C12orf42: variants seen among roughly 807,000 people sequenced by gnomAD.
The protein encoded by C12orf42 is chromosome 12 open reading frame 42, also known as uncharacterized protein C12orf42.
C12orf42 carries 25 observed loss-of-function variants against 21.6 expected under a neutral mutation model. The observed-to-expected ratio is 1.16, with a 90% CI of 0.84 to 1.62. The LOEUF (loss-of-function observed/expected upper bound fraction) is 1.62. C12orf42 is among the 40% of genes most tolerant of loss of function. The pLI is 0.00. For synonymous variants in C12orf42, 174 were observed against 175.0 expected (o/e 0.99, Z 0.05); for missense variants, 483 against 459.3 (o/e 1.05, Z -0.47).
the C12orf42 span, among the ~76,000 whole-genome samples, chr12:103,050,607 C>A: frequency 6.6e-6 from 1 of 151,914 alleles, no homozygotes; most frequent in Non-Finnish European, 1.5e-5. Context: ...AGCAGAGTCA[C>A]CTAATGTCAT....
chr12:103,283,314 C>T (rs898867954), intron 4 of C12orf42, among the ~76,000 whole-genome samples: 2 of 152,162 alleles, frequency 1.3e-5, no homozygotes, highest in Admixed American at 6.5e-5. Flanking sequence ...TCCAAGTTGC[C>T]ATTATCACTT....
At chr12:103,457,457 G>A (rs1341749396) in intron 2 of C12orf42, among the ~76,000 whole-genome samples, 1 of 152,086 alleles carries the variant, frequency 6.6e-6, no homozygotes, top group Admixed American at 6.6e-5. Context: ...AGCTAATAAT[G>A]CCCTGTGTTT....
intron 2 of C12orf42, among the ~76,000 whole-genome samples, chr12:103,414,317 C>T (rs1437677406): frequency 2.7e-5 from 4 of 149,274 alleles, no homozygotes; most frequent in African/African-American, 9.7e-5. Flanking sequence ...CCTTAGCCCA[C>T]TTTTTTATGG....
At chr12:103,246,546 T>C (rs1270842550) in intron 10 of C12orf42, among the ~76,000 whole-genome samples, 1 of 152,032 alleles carries the variant, frequency 6.6e-6, no homozygotes, top group Non-Finnish European at 1.5e-5. Flanking sequence ...AAAAAAGATG[T>C]CACTGTTTGC....
chr12:103,066,011 C>T, the C12orf42 span, among the ~76,000 whole-genome samples: 25 of 152,140 alleles, frequency 1.6e-4, no homozygotes, highest in Admixed American at 1.6e-3. Flanking sequence ...AGGTGTCAGT[C>T]GCAGATAGGG....
intron 4 of C12orf42, among the ~76,000 whole-genome samples, chr12:103,292,374 A>T (rs2036880149): frequency 1.3e-5 from 2 of 152,150 alleles, no homozygotes; most frequent in Non-Finnish European, 2.9e-5. Flanking sequence ...TGGGTGAATT[A>T]TATGATATAT....
the C12orf42 span, among the ~76,000 whole-genome samples, chr12:103,525,644 ATAAT>A: frequency 1.3e-5 from 2 of 152,222 alleles, no homozygotes; most frequent in Non-Finnish European, 2.9e-5. Flanking sequence ...CAATATTATT[ATAAT>A]TAAAGTAGTA....
the C12orf42 span, among the ~76,000 whole-genome samples, chr12:103,108,852 A>G: frequency 6.6e-6 from 1 of 152,214 alleles, no homozygotes; most frequent in Admixed American, 6.5e-5. Flanking sequence ...CTTTTCCAGA[A>G]TATATAAATA....
At chr12:103,157,283 G>T in the C12orf42 span, among the ~76,000 whole-genome samples, 1 of 152,068 alleles carries the variant, frequency 6.6e-6, no homozygotes, top group Non-Finnish European at 1.5e-5. Context: ...TTTGAGAAGC[G>T]TCTGTTCATA....
intron 3 of C12orf42, among the ~76,000 whole-genome samples, chr12:103,383,615 T>C (rs1352909857): frequency 6.6e-6 from 1 of 152,208 alleles, no homozygotes; most frequent in East Asian, 1.9e-4. Flanking sequence ...CACCATCATA[T>C]AATAACAACT....
intron 2 of C12orf42, among the ~76,000 whole-genome samples, chr12:103,428,925 A>G (rs987662335): frequency 3.9e-5 from 6 of 152,224 alleles, no homozygotes; most frequent in South Asian, 4.1e-4. Flanking sequence ...ACACCCCTTC[A>G]TGCTAAAAAC....
At chr12:103,454,965 G>A (rs1952191283) in intron 2 of C12orf42, among the ~76,000 whole-genome samples, 1 of 152,130 alleles carries the variant, frequency 6.6e-6, no homozygotes, top group South Asian at 2.1e-4. Context: ...TTCCCTAAAT[G>A]AGGATACAAT....
the C12orf42 span, among the ~76,000 whole-genome samples, chr12:103,169,270 C>T: frequency 6.6e-6 from 1 of 151,908 alleles, no homozygotes; most frequent in African/African-American, 2.4e-5. Context: ...CCAACCAATC[C>T]TCTGTGCCCT....
chr12:103,198,994 A>G, the C12orf42 span, among the ~76,000 whole-genome samples: 10 of 152,234 alleles, frequency 6.6e-5, no homozygotes, highest in African/African-American at 2.2e-4. Flanking sequence ...AGAAGACCCC[A>G]AATAGCCATA....
At chr12:103,213,112 AT>A in the C12orf42 span, among the ~76,000 whole-genome samples, 42 of 152,318 alleles carry the variant, frequency 2.8e-4, no homozygotes, top group African/African-American at 7.7e-4. Flanking sequence ...ATTAAAAAAA[AT>A]ATTTTAGGTC....
intron 1 of C12orf42, among the ~76,000 whole-genome samples, chr12:103,481,859 TTTTCTA>T (rs1954497892): frequency 6.6e-6 from 1 of 151,862 alleles, no homozygotes; most frequent in South Asian, 2.1e-4. Context: ...TTCTTTTTCT[TTTTCTA>T]GTTTCTCCCC....
chr12:103,296,792 TATCCC>T (rs946883855), intron 4 of C12orf42, among the ~76,000 whole-genome samples: 34 of 152,358 alleles, frequency 2.2e-4, no homozygotes, highest in African/African-American at 8.2e-4. Flanking sequence ...CAAAAAATTT[TATCCC>T]ATTCTGTAGG....
chr12:103,328,699 C>T lies in C12orf42; in HGVS notation c.260-22354G>A, dbSNP rs2040933207. On this transcript the variant is annotated intron_variant, in intron 4 of 5. Coordinates refer to ENST00000548883, the MANE Select transcript of C12orf42 (RefSeq NM_198521.5). ...AAACTTTCCAGTAAATACCAGTGGG[C>T]CATAGTGAAATGAATGACCTCTCAG... is the stretch of plus-strand genomic sequence containing the variant. Among the ~76,000 whole-genome samples the T allele has an allele frequency of 1.3e-5, 2 of 152,172 alleles. 1 individual carries two copies. Among genetic ancestry groups the T allele is most frequent in the Admixed American group, 1.3e-4 (2 of 15,282 alleles).
chr12:103,376,637 T>C (rs1017276219), intron 3 of C12orf42, among the ~76,000 whole-genome samples: 2 of 152,178 alleles, frequency 1.3e-5, no homozygotes, highest in African/African-American at 4.8e-5. Flanking sequence ...TACCATTATG[T>C]TCCTTTGTTT....
Sources: gnomAD v4.1 joint callset for allele counts (sites outside exome capture counted in the v4.1 genomes callset) on GRCh38, gnomAD v4.1.1 for gene constraint, MANE v1.5 for transcripts, NCBI Gene and HGNC (gene_info 2026-07-23, HGNC 2026-07-21) for gene names.